GPR39: variants seen among roughly 807,000 people sequenced by gnomAD.
GPR39 encodes G protein-coupled receptor 39, also known as zinc sensing receptor.
A neutral mutation model predicts 18.4 loss-of-function variants in GPR39; 23 were observed. That is an observed-to-expected ratio of 1.25 (90% CI 0.90 to 1.77). The LOEUF (loss-of-function observed/expected upper bound fraction) is 1.77, where lower values mean the gene tolerates loss of function less well. Among genes scored for constraint, GPR39 ranks in the 40% most tolerant of loss-of-function variants. The pLI is 0.00. For synonymous variants in GPR39, 280 were observed against 257.9 expected (o/e 1.09, Z -0.82); for missense variants, 647 against 602.4 (o/e 1.07, Z -0.78).
intron 1 of GPR39, among the ~76,000 whole-genome samples, chr2:132,583,055 A>G (rs1005940965): frequency 1.3e-5 from 2 of 150,880 alleles, no homozygotes; most frequent in Admixed American, 6.6e-5. Context: ...CTGCCACCAT[A>G]CCCAGCTAAT....
intron 1 of GPR39, among the ~76,000 whole-genome samples, chr2:132,513,670 TTGTC>T: frequency 6.6e-6 from 1 of 152,372 alleles, no homozygotes; most frequent in South Asian, 2.1e-4. Flanking sequence ...ATTAACATCT[TTGTC>T]TGTTCCAGCT....
At chr2:132,599,328 T>C (rs1681001072) in intron 1 of GPR39, among the ~76,000 whole-genome samples, 1 of 152,222 alleles carries the variant, frequency 6.6e-6, no homozygotes, top group Admixed American at 6.5e-5. Context: ...AAGAGCATGG[T>C]GATACCTTTG....
Position 132,417,683 on chromosome 2 carries a change from C to G in GPR39, c.641C>G (p.Ser214Cys), listed in dbSNP as rs1573591366. Reference protein sequence around the residue: ...TSNMSICTNLSSRWTVFQSSI... With the variant: ...TSNMSICTNLCSRWTVFQSSI... Reference sequence around the variant, plus strand: ...AATATGTCCATCTGTACCAACCTCTCCAGCCGCTGGACCGTGTTCCAGTCC... The same window carrying G: ...AATATGTCCATCTGTACCAACCTCTGCAGCCGCTGGACCGTGTTCCAGTCC... Residue 214 changes from serine to cysteine, a missense_variant, in exon 1 of 2, where the codon TCC becomes TGC. Transcript: ENST00000329321. 1 of 1,614,236 alleles carries G rather than the reference C, an allele frequency of 6.2e-7. No homozygotes were observed. Among genetic ancestry groups the G allele is most frequent in the East Asian group, 2.2e-5 (1 of 44,874 alleles).
At chr2:132,614,601 A>G (rs920418765) in intron 1 of GPR39, among the ~76,000 whole-genome samples, 2 of 151,264 alleles carry the variant, frequency 1.3e-5, no homozygotes, top group African/African-American at 4.9e-5. Flanking sequence ...CCCAGGCTGG[A>G]ATGCAGTGGT....
intron 1 of GPR39, among the ~76,000 whole-genome samples, chr2:132,521,444 A>C (rs1679425093): frequency 6.6e-6 from 1 of 152,176 alleles, no homozygotes; most frequent in South Asian, 2.1e-4. Context: ...TGACCCTAGA[A>C]CATATGCTCT....
chr2:132,646,338 C>CCTCT lies in GPR39; in HGVS notation c.*734_*737dup. The CCTCT allele has an allele frequency of 8.2e-7, 1 of 1,214,014 alleles. No individual in the cohort carries two copies. The highest frequency in any genetic ancestry group is 2.1e-5 in the South Asian group (1 of 46,582). 75.2% of individuals were successfully genotyped at this position (1,214,014 alleles called of 1,614,324 possible). Reference sequence around the variant, plus strand: ...GTGCACCGGCAAAAGAATAGCTGTCCCTCTCAGCCCAAATCCAAACGGACA... The same window carrying CCTCT: ...GTGCACCGGCAAAAGAATAGCTGTCCCTCTCTCTCAGCCCAAATCCAAACGGACA... On this transcript the variant is annotated 3_prime_UTR_variant, in exon 2 of 2. Transcript: ENST00000329321.
chr2:132,521,420 T>C (rs1679424771), intron 1 of GPR39, among the ~76,000 whole-genome samples: 1 of 152,238 alleles, frequency 6.6e-6, no homozygotes, highest in African/African-American at 2.4e-5. Context: ...ACTAGTTTGT[T>C]GGCTTGTGGT....
intron 1 of GPR39, among the ~76,000 whole-genome samples, chr2:132,531,641 C>T (rs1012039879): frequency 4.6e-5 from 7 of 152,154 alleles, no homozygotes; most frequent in Admixed American, 6.5e-5. Flanking sequence ...GAAATTATAA[C>T]AAACTATCTC....
At chr2:132,540,047 C>T (rs1352385694) in intron 1 of GPR39, among the ~76,000 whole-genome samples, 1 of 152,104 alleles carries the variant, frequency 6.6e-6, no homozygotes, top group African/African-American at 2.4e-5. Flanking sequence ...CCAAGAAAAT[C>T]CGTGTCTACC....
intron 1 of GPR39, among the ~76,000 whole-genome samples, chr2:132,599,385 A>G (rs939672173): frequency 6.6e-6 from 1 of 152,074 alleles, no homozygotes; most frequent in African/African-American, 2.4e-5. Context: ...TTTTTGCCCT[A>G]TCCTGTTCTC....
chr2:132,429,087 GC>G (rs773252518), intron 1 of GPR39, among the ~76,000 whole-genome samples: 1 of 152,210 alleles, frequency 6.6e-6, no homozygotes, highest in Non-Finnish European at 1.5e-5. Flanking sequence ...ACTAGGGCCA[GC>G]CAGCCAAAGG....
intron 1 of GPR39, among the ~76,000 whole-genome samples, chr2:132,533,653 G>A: frequency 6.6e-6 from 1 of 152,080 alleles, no homozygotes; most frequent in East Asian, 1.9e-4. Flanking sequence ...CAGAGATATA[G>A]ACCAATGGAA....
At chr2:132,597,090 A>G (rs1449276441) in intron 1 of GPR39, among the ~76,000 whole-genome samples, 1 of 152,204 alleles carries the variant, frequency 6.6e-6, no homozygotes, top group Non-Finnish European at 1.5e-5. Context: ...AGGTGAGGAC[A>G]GGAGTAGCAT....
intron 1 of GPR39, among the ~76,000 whole-genome samples, chr2:132,639,250 T>TG (rs566691054): frequency 1.0e-3 from 128 of 127,290 alleles, no homozygotes; most frequent in African/African-American, 3.3e-3. Flanking sequence ...AGAACTTGAA[T>TG]GGGGGGATAA....
At chr2:132,638,325 A>C (rs912464102) in intron 1 of GPR39, among the ~76,000 whole-genome samples, 1 of 152,202 alleles carries the variant, frequency 6.6e-6, no homozygotes, top group African/African-American at 2.4e-5. Flanking sequence ...GGGTCCCTAC[A>C]AGTGCCCACT....
chr2:132,486,406 C>A (rs1233844142), intron 1 of GPR39, among the ~76,000 whole-genome samples: 1 of 152,226 alleles, frequency 6.6e-6, no homozygotes, highest in African/African-American at 2.4e-5. Context: ...GCATTGACTT[C>A]TCCTCTTTAG....
chr2:132,612,997 A>G (rs890801443), intron 1 of GPR39, among the ~76,000 whole-genome samples: 15 of 152,156 alleles, frequency 9.9e-5, no homozygotes, highest in East Asian at 5.8e-4. Context: ...ATGCTTTTCA[A>G]TGTAGAGGTC....
intron 1 of GPR39, among the ~76,000 whole-genome samples, chr2:132,520,565 G>A (rs1050097384): frequency 6.6e-6 from 1 of 152,228 alleles, no homozygotes; most frequent in Non-Finnish European, 1.5e-5. Context: ...CTGATGATGA[G>A]ACTAAGTCTT....
chr2:132,526,754 C>T (rs1679521914), intron 1 of GPR39, among the ~76,000 whole-genome samples: 1 of 152,054 alleles, frequency 6.6e-6, no homozygotes, highest in Non-Finnish European at 1.5e-5. Context: ...CTCCTAAGCT[C>T]CTATATTAAC....
Sources: gnomAD v4.1 joint callset for allele counts (sites outside exome capture counted in the v4.1 genomes callset) on GRCh38, gnomAD v4.1.1 for gene constraint, MANE v1.5 for transcripts, NCBI Gene and HGNC (gene_info 2026-07-23, HGNC 2026-07-21) for gene names.